ACAD11: variants seen among roughly 807,000 people sequenced by gnomAD.
ACAD11 encodes acyl-CoA dehydrogenase family member 11, also known as acyl-Coenzyme A dehydrogenase family, member 11.
Under a neutral mutation model 102.2 loss-of-function variants are expected in ACAD11, and 83 were observed. The observed-to-expected ratio is 0.81, with a 90% CI of 0.68 to 0.97. ACAD11 has a LOEUF of 0.97. Ranked by LOEUF, ACAD11 falls within the 50% of genes least tolerant of loss-of-function variation. The pLI is 0.00. For synonymous variants in ACAD11, 324 were observed against 319.8 expected, an observed-to-expected ratio of 1.01 and a Z score of -0.14; for missense variants, 901 against 951.7, an observed-to-expected ratio of 0.95 and a Z score of 0.70.
intron 1 of ACAD11, among the ~76,000 whole-genome samples, chr3:132,647,922 G>A (rs568984272): frequency 6.6e-6 from 1 of 152,230 alleles, no homozygotes; most frequent in South Asian, 2.1e-4. Flanking sequence ...TCCTCACATG[G>A]TGGAAGGGGC....
intron 11 of ACAD11, 143 bp downstream of exon 11, chr3:132,618,491 A>G: frequency 1.4e-6 from 1 of 727,398 alleles, no homozygotes; most frequent in Non-Finnish European, 2.0e-6. Flanking sequence ...TCTTATATTT[A>G]AATCAAAGTA....
Position 132,644,852 on chromosome 3 carries a change from T to G in ACAD11, c.194A>C (p.Gln65Pro). The G allele has an allele frequency of 1.2e-6, 2 of 1,613,162 alleles. No homozygotes were observed. Reference protein sequence around the residue: ...NPTFYLQKGFQTYVLRKKPPG... With the variant: ...NPTFYLQKGFPTYVLRKKPPG... ...TGGTTTTTTCCTGAGCACATATGTTTGAAAGCCCTTCTGGAGATAAAAGGT... is the reference window on the plus strand; with the variant it reads ...TGGTTTTTTCCTGAGCACATATGTTGGAAAGCCCTTCTGGAGATAAAAGGT... Residue 65 changes from glutamine to proline, a missense_variant, in exon 2 of 20, where the codon CAA becomes CCA. Gln to Pro is a moderately conservative substitution (Grantham distance 76, BLOSUM62 -1). Coordinates refer to ENST00000264990, the MANE Select transcript of ACAD11 (RefSeq NM_032169.5).
chr3:132,629,645 C>G (rs1231867711), intron 7 of ACAD11, among the ~76,000 whole-genome samples: 1 of 152,170 alleles, frequency 6.6e-6, no homozygotes, highest in Non-Finnish European at 1.5e-5. Context: ...AGATGTAACA[C>G]AACTATTTCA....
chr3:132,649,285 G>T (rs1462266113), intron 1 of ACAD11, among the ~76,000 whole-genome samples: 1 of 152,208 alleles, frequency 6.6e-6, no homozygotes, highest in Non-Finnish European at 1.5e-5. Flanking sequence ...GAAGGCCACT[G>T]TCTCCTGCCT....
At chr3:132,619,341 C>A in intron 10 of ACAD11, 127 bp downstream of exon 10, 1 of 564,414 alleles carries the variant, frequency 1.8e-6, no homozygotes, top group African/African-American at 1.9e-5. Flanking sequence ...TATTAACTTT[C>A]TTTTTTTAAA....
At chr3:132,620,849 CT>C (rs1939580227) in intron 9 of ACAD11, among the ~76,000 whole-genome samples, 1 of 152,172 alleles carries the variant, frequency 6.6e-6, no homozygotes, top group African/African-American at 2.4e-5. Flanking sequence ...TGAACCTGCA[CT>C]TCTGTGTCCT....
In ACAD11 at chr3:132,659,601, A is replaced by T; in HGVS notation, c.149+2T>A. 2.2e-5 allele frequency: 35 copies of T among 1,611,466 alleles called. No homozygotes were observed. Among genetic ancestry groups the T allele is most frequent in the Non-Finnish European group, 2.8e-5 (33 of 1,178,930 alleles). On this transcript the variant is annotated splice_donor_variant, in intron 1 of 19. Coordinates refer to ENST00000264990, the MANE Select transcript of ACAD11 (RefSeq NM_032169.5). LOFTEE classifies it high-confidence loss of function. Reference sequence around the variant, plus strand: ...GCTGGAGGCAAAGGCTGACATCCATACCTGTACTGGGCAATGGTCAGCGTA... The same window carrying T: ...GCTGGAGGCAAAGGCTGACATCCATTCCTGTACTGGGCAATGGTCAGCGTA...
intron 17 of ACAD11, among the ~76,000 whole-genome samples, chr3:132,563,785 ACTGCACTG>A (rs963200561): frequency 2.0e-5 from 3 of 151,948 alleles, no homozygotes; most frequent in African/African-American, 7.2e-5. Context: ...CTCTTGTTTT[ACTGCACTG>A]CCTAGGAATT....
intron 11 of ACAD11, among the ~76,000 whole-genome samples, chr3:132,611,483 T>A (rs1939144899): frequency 6.6e-6 from 1 of 152,194 alleles, no homozygotes; most frequent in Non-Finnish European, 1.5e-5. Flanking sequence ...CCCCATCGTC[T>A]CAGCCCAAAA....
At chr3:132,624,407 C>T (rs1320134620) in intron 9 of ACAD11, among the ~76,000 whole-genome samples, 6 of 151,388 alleles carry the variant, frequency 4.0e-5, no homozygotes, top group African/African-American at 7.3e-5. Context: ...GAGTTCGAGA[C>T]CAGCCTGGCC....
At position 132,590,505 on chromosome 3, in the gene ACAD11, C is replaced by T. The variant is rs569427166; in HGVS notation, c.1622-10947G>A. Among the ~76,000 whole-genome samples the T allele has an allele frequency of 3.3e-4, 51 of 152,264 alleles. 1 individual carries two copies. In the South Asian group the frequency reaches 8.1e-3, roughly 24 times the overall value. On this transcript the variant is annotated intron_variant, in intron 13 of 19. Coordinates refer to ENST00000264990, the MANE Select transcript of ACAD11 (RefSeq NM_032169.5). The stretch of plus-strand genomic sequence containing the variant: ...CAAGTGATCCTCCCGCCTTAGCCCC[C>T]CAAAGTGCTGGGATTACAGGCATGA...
chr3:132,614,298 T>G (rs961410880), intron 11 of ACAD11, among the ~76,000 whole-genome samples: 1 of 152,198 alleles, frequency 6.6e-6, no homozygotes, highest in African/African-American at 2.4e-5. Flanking sequence ...ACCATTGACT[T>G]TCTTCACAGA....
At position 132,631,469 on chromosome 3, in the gene ACAD11, A is replaced by G; in HGVS notation, c.713T>C (p.Ile238Thr). The G allele has an allele frequency of 6.7e-7, 1 of 1,493,464 alleles. No homozygotes were observed. The highest frequency in any genetic ancestry group is 8.9e-7 in the Non-Finnish European group (1 of 1,119,110). The allele number at this position is 1,493,464 out of a possible 1,614,324, so 92.5% of individuals were successfully genotyped here. ...TGACAGCTCCCAATCCAGCACTGCT[A>G]TAACTCGACACTGTAATTAAAAATA... Reference protein sequence around the residue: ...IVFHPKECRVIAVLDWELSTI... With the variant: ...IVFHPKECRVTAVLDWELSTI... The change falls in exon 6 of 20, where the codon ATA (isoleucine) becomes ACA (threonine). Residue 238 changes from isoleucine to threonine, a missense_variant. Coordinates refer to ENST00000264990, the MANE Select transcript of ACAD11 (RefSeq NM_032169.5).
rs187450709 is a variant in ACAD11, at chr3:132,559,170, C to A, written c.2229-85G>T. 2,407 of 927,474 alleles carry A rather than the reference C, an allele frequency of 2.6e-3. 15 individuals carry two copies. The highest frequency in any genetic ancestry group is 3.7e-3 in the Non-Finnish European group (2,148 of 577,744). The allele number at this position is 927,474 out of a possible 1,614,324, so 57.5% of individuals were successfully genotyped here. A position where few individuals can be genotyped will look rare whatever the true frequency, so the allele number is the denominator to read the frequency against. ...GACATCAGTCACTCTGATTGTCAAC[C>A]AAGACTATATTAATTCTTAAATTCC... is the stretch of plus-strand genomic sequence containing the variant. On this transcript the variant is annotated intron_variant, in intron 19 of 19. Transcript: ENST00000264990.
In ACAD11 at chr3:132,645,046, T is replaced by C. The variant is rs1175287519; in HGVS notation, c.150-150A>G. 4 of 550,362 alleles carry C rather than the reference T, an allele frequency of 7.3e-6. No homozygotes were observed. The African/African-American group carries it at 7.6e-5, about 10-fold the overall frequency. The allele number at this position is 550,362 out of a possible 1,614,324, so 34.1% of individuals were successfully genotyped here. On this transcript the variant is annotated intron_variant, in intron 1 of 19. Coordinates refer to ENST00000264990, the MANE Select transcript of ACAD11 (RefSeq NM_032169.5). ...GGGGTGCTATCAGCAGCTCACAACATGAATTTCTAGATGATATTAAAGCAG... is the reference window on the plus strand; with the variant it reads ...GGGGTGCTATCAGCAGCTCACAACACGAATTTCTAGATGATATTAAAGCAG...
At chr3:132,564,475 A>G (rs1937152751) in intron 17 of ACAD11, among the ~76,000 whole-genome samples, 1 of 152,202 alleles carries the variant, frequency 6.6e-6, no homozygotes, top group South Asian at 2.1e-4. Context: ...TATCTACTTC[A>G]TCTTCGGTGA....
rs770709413 is a variant in ACAD11, at chr3:132,644,810, GGAA to G, written c.233_235del (p.Leu78del). ...TGTATACTATACCTGATGTGCTTTA[GGAA>G]GAAGTGAACCTGGTGGTTTTTTCCT... is the stretch of plus-strand genomic sequence containing the variant. On this transcript the variant is annotated inframe_deletion, in exon 2 of 20. Coordinates refer to ENST00000264990, the MANE Select transcript of ACAD11 (RefSeq NM_032169.5). 4 of 1,608,050 alleles carry G rather than the reference GGAA, an allele frequency of 2.5e-6. No individual in the cohort carries two copies. Among genetic ancestry groups the G allele is most frequent in the Non-Finnish European group, 3.4e-6 (4 of 1,176,446 alleles).
At position 132,559,925 on chromosome 3, in the gene ACAD11, C is replaced by G. The variant is rs1323928424; in HGVS notation, c.2136G>C (p.Val712=). 2.5e-6 allele frequency: 4 copies of G among 1,612,688 alleles called. No homozygotes were observed. In the East Asian group the frequency reaches 8.9e-5, roughly 36 times the overall value. ...GAKKEIAMIK[V]AAPRAVSKIV... ...TTTTGCTGACAGCCCGTGGGGCAGCCACTTTGATCATTGCAATCTATATAA... is the reference window on the plus strand; with the variant it reads ...TTTTGCTGACAGCCCGTGGGGCAGCGACTTTGATCATTGCAATCTATATAA... Residue 712 remains valine (V), a synonymous_variant, in exon 19 of 20, where the codon GTG becomes GTC. Coordinates refer to ENST00000264990, the MANE Select transcript of ACAD11 (RefSeq NM_032169.5).
chr3:132,606,263 G>C (rs896283943), intron 11 of ACAD11, among the ~76,000 whole-genome samples: 1 of 152,172 alleles, frequency 6.6e-6, no homozygotes, highest in African/African-American at 2.4e-5. Context: ...ACTCCTAACA[G>C]AGCCAACATT....
Sources: gnomAD v4.1 joint callset for allele counts (sites outside exome capture counted in the v4.1 genomes callset) on GRCh38, gnomAD v4.1.1 for gene constraint, MANE v1.5 for transcripts, NCBI Gene and HGNC (gene_info 2026-07-23, HGNC 2026-07-21) for gene names.